The following FAM13B variants were observed in gnomAD, a reference collection of about 807,000 sequenced individuals.
The protein encoded by FAM13B is family with sequence similarity 13 member B, also known as protein FAM13B.
In FAM13B, 60 loss-of-function variants were observed where a neutral mutation model predicts 117.3. The ratio of observed to expected loss-of-function variants is 0.51; its 90% CI spans 0.42 to 0.63. FAM13B has a LOEUF of 0.63. FAM13B is among the 30% of genes least tolerant of loss of function. The pLI, the probability that FAM13B is intolerant of heterozygous loss-of-function variation, is 0.00. For missense variants in FAM13B, 972 were observed against 1,091.9 expected, an observed-to-expected ratio of 0.89 and a Z score of 1.55; for synonymous variants, 332 against 356.1, an observed-to-expected ratio of 0.93 and a Z score of 0.76.
chr5:137,982,063 G>C (rs1173720230), intron 10 of FAM13B, among the ~76,000 whole-genome samples: 1 of 152,186 alleles, frequency 6.6e-6, no homozygotes, highest in Non-Finnish European at 1.5e-5. Flanking sequence ...TTGATAGCTA[G>C]AAGGCACTGG....
chr5:138,017,415 T>C (rs1785540657), intron 4 of FAM13B, among the ~76,000 whole-genome samples: 1 of 152,194 alleles, frequency 6.6e-6, no homozygotes. Flanking sequence ...GTGATAGAGA[T>C]AGGCATAAAG....
At chr5:138,022,324 T>A (rs531570602) in intron 1 of FAM13B, among the ~76,000 whole-genome samples, 2 of 152,326 alleles carry the variant, frequency 1.3e-5, no homozygotes, top group Admixed American at 1.3e-4. Context: ...TGAATTCTAA[T>A]GGTATCATTA....
intron 17 of FAM13B, 68 bp downstream of exon 17, chr5:137,952,560 G>T: frequency 1.1e-6 from 1 of 945,442 alleles, no homozygotes; most frequent in Non-Finnish European, 1.6e-6. Context: ...TTGTATTTGT[G>T]ATTCTCAGAC....
chr5:137,986,138 G>T (rs1219059605), intron 9 of FAM13B, among the ~76,000 whole-genome samples: 1 of 149,200 alleles, frequency 6.7e-6, no homozygotes. Context: ...CCAGTTGTAT[G>T]CATTCTAATC....
intron 1 of FAM13B, among the ~76,000 whole-genome samples, chr5:138,024,143 C>A (rs572184265): frequency 6.6e-6 from 1 of 152,032 alleles, no homozygotes; most frequent in African/African-American, 2.4e-5. Flanking sequence ...AGTGTCCCCC[C>A]CAAACCTCAT....
intron 7 of FAM13B, among the ~76,000 whole-genome samples, chr5:137,995,322 C>CTA (rs1779595516): frequency 6.6e-6 from 1 of 152,186 alleles, no homozygotes; most frequent in South Asian, 2.1e-4. Flanking sequence ...TTTAATCTAG[C>CTA]TAGACTTCTC....
intron 10 of FAM13B, among the ~76,000 whole-genome samples, chr5:137,975,214 C>T (rs904896442): frequency 6.6e-6 from 1 of 152,156 alleles, no homozygotes; most frequent in Non-Finnish European, 1.5e-5. Context: ...GAAACTCATA[C>T]ATCCTGTCCA....
intron 1 of FAM13B, among the ~76,000 whole-genome samples, chr5:138,026,628 CAAAAAAAA>C (rs56195021): frequency 1.0e-4 from 3 of 29,440 alleles, no homozygotes; most frequent in Non-Finnish European, 1.8e-4. Context: ...GACCGTGTCT[CAAAAAAAA>C]AAAAAAAAAA....
At chr5:138,004,927 G>A (rs1782172243) in intron 7 of FAM13B, among the ~76,000 whole-genome samples, 2 of 152,102 alleles carry the variant, frequency 1.3e-5, no homozygotes, top group South Asian at 2.1e-4. Context: ...CCTTATTGGA[G>A]AGCAGAGCTC....
intron 10 of FAM13B, 50 bp from the exon 11 acceptor site, chr5:137,962,519 TAA>T (rs1581102042): frequency 6.5e-7 from 1 of 1,533,502 alleles, no homozygotes; most frequent in East Asian, 2.3e-5. Context: ...AATACTCAGA[TAA>T]GAGAAGTTGC....
At chr5:137,994,611 C>CTA (rs1779412244) in intron 7 of FAM13B, among the ~76,000 whole-genome samples, 1 of 152,196 alleles carries the variant, frequency 6.6e-6, no homozygotes, top group Non-Finnish European at 1.5e-5. Flanking sequence ...TACATAGGTA[C>CTA]TATAGGCAGA....
In FAM13B at chr5:137,993,911, A is replaced by G. The variant is rs1009120809; in HGVS notation, c.849-5596T>C. Among the ~76,000 whole-genome samples, 3 of 152,232 alleles carry G rather than the reference A, an allele frequency of 2.0e-5. No homozygotes were observed. In the East Asian group the frequency reaches 5.8e-4, roughly 29 times the overall value. On this transcript the variant is annotated intron_variant, in intron 7 of 23. Coordinates refer to ENST00000689681, the MANE Select transcript of FAM13B (RefSeq NM_001385994.1). ...GAGTCTACATTTTTAACAAATGCCA[A>G]TGATGATTCTTATCCATAGTAGTAA...
At chr5:138,023,329 G>A (rs1384796937) in intron 1 of FAM13B, among the ~76,000 whole-genome samples, 1 of 152,114 alleles carries the variant, frequency 6.6e-6, no homozygotes, top group Non-Finnish European at 1.5e-5. Context: ...AACATTAAAT[G>A]AGCAGTTATG....
intron 7 of FAM13B, among the ~76,000 whole-genome samples, chr5:137,999,207 A>G (rs936544676): frequency 6.8e-6 from 1 of 147,752 alleles, no homozygotes; most frequent in Non-Finnish European, 1.5e-5. Context: ...TGGACCTCCC[A>G]TGCTCAAGCA....
At chr5:138,034,294 A>T (rs551765886), upstream of FAM13B, among the ~76,000 whole-genome samples, 1 of 152,346 alleles carries the variant, frequency 6.6e-6, no homozygotes, top group East Asian at 1.9e-4. Context: ...ACAGATACTT[A>T]GTGAATGCTT....
intron 1 of FAM13B, among the ~76,000 whole-genome samples, chr5:138,026,891 A>G (rs1788559074): frequency 6.6e-6 from 1 of 151,514 alleles, no homozygotes; most frequent in Non-Finnish European, 1.5e-5. Flanking sequence ...GTGAGCCGAG[A>G]TCGCGCCATT....
In FAM13B at chr5:138,032,837, G is replaced by T; in HGVS notation, c.-258C>A. On this transcript the variant is annotated 5_prime_UTR_variant, in exon 1 of 24. Coordinates refer to ENST00000689681, the MANE Select transcript of FAM13B (RefSeq NM_001385994.1). ...CGCGGCCGCTTCTCCAGGACCCGCG[G>T]CGACGGCAAGAGGGCGAGAACTGAG... The T allele has an allele frequency of 4.1e-6, 4 of 985,796 alleles. No homozygotes were observed. Among genetic ancestry groups the T allele is most frequent in the Non-Finnish European group, 4.8e-6 (4 of 829,974 alleles). The allele number at this position is 985,796 out of a possible 1,614,324, so 61.1% of individuals were successfully genotyped here. A position where few individuals can be genotyped will look rare whatever the true frequency, so the allele number is the denominator to read the frequency against.
chr5:138,015,187 T>C (rs1784965408), intron 4 of FAM13B, among the ~76,000 whole-genome samples: 1 of 152,034 alleles, frequency 6.6e-6, no homozygotes, highest in Non-Finnish European at 1.5e-5. Flanking sequence ...CAACTCCCCA[T>C]CACAAAAAAT....
chr5:137,961,943 G>A (rs1232683061), intron 11 of FAM13B, among the ~76,000 whole-genome samples: 1 of 152,102 alleles, frequency 6.6e-6, no homozygotes, highest in Non-Finnish European at 1.5e-5. Context: ...CAGCCAAAGA[G>A]GTTAAAAAAG....
Sources: gnomAD v4.1 joint callset for allele counts (sites outside exome capture counted in the v4.1 genomes callset) on GRCh38, gnomAD v4.1.1 for gene constraint, MANE v1.5 for transcripts, NCBI Gene and HGNC (gene_info 2026-07-23, HGNC 2026-07-21) for gene names.